The following SPAG16 variants were observed in gnomAD, a reference collection of about 807,000 sequenced individuals.
The protein encoded by SPAG16 is sperm-associated antigen 16 protein.
A neutral mutation model predicts 80.4 loss-of-function variants in SPAG16; 86 were observed. The ratio of observed to expected loss-of-function variants is 1.07; its 90% confidence interval spans 0.90 to 1.28. The LOEUF is 1.28. Ranked by LOEUF, SPAG16 falls within the 50% of genes most tolerant of loss-of-function variation. The pLI is 0.00. For missense variants in SPAG16, 870 were observed against 765.3 expected (o/e 1.14, Z -1.61); for synonymous variants, 294 against 265.9 (o/e 1.11, Z -1.03).
intron 10 of SPAG16, among the ~76,000 whole-genome samples, chr2:213,835,233 G>A (rs1357258591): frequency 1.3e-5 from 2 of 152,118 alleles, no homozygotes; most frequent in South Asian, 2.1e-4. Flanking sequence ...TGATTCTAGT[G>A]CCAGGCTGTC....
chr2:213,562,324 T>C (rs2059619860), intron 10 of SPAG16, among the ~76,000 whole-genome samples: 1 of 152,192 alleles, frequency 6.6e-6, no homozygotes, highest in African/African-American at 2.4e-5. Flanking sequence ...TTGTGGTGTA[T>C]TTAATTCTGA....
chr2:213,499,923 T>C (rs921649329), intron 10 of SPAG16, among the ~76,000 whole-genome samples: 1 of 152,222 alleles, frequency 6.6e-6, no homozygotes, highest in Non-Finnish European at 1.5e-5. Flanking sequence ...GTTTCTTTAG[T>C]ATTCCTAAGA....
At chr2:214,108,439 TCACACACACACA>T (rs71037342) in intron 14 of SPAG16, among the ~76,000 whole-genome samples, 178 bp downstream of exon 14, 16,575 of 125,046 alleles carry the variant, frequency 0.13, 1,125 homozygotes, top group Non-Finnish European at 0.17. Flanking sequence ...ATTTTAAAAT[TCACACACACACA>T]CACACACACA....
At chr2:214,203,162 T>C (rs776284728) in intron 15 of SPAG16, among the ~76,000 whole-genome samples, 6 of 152,242 alleles carry the variant, frequency 3.9e-5, no homozygotes, top group South Asian at 2.1e-4. Flanking sequence ...AAAATAAAGA[T>C]AATTATATCA....
At chr2:213,849,591 T>C (rs2074804837) in intron 10 of SPAG16, among the ~76,000 whole-genome samples, 1 of 152,234 alleles carries the variant, frequency 6.6e-6, no homozygotes, top group East Asian at 1.9e-4. Flanking sequence ...TGGAGCCACA[T>C]TGAAGTGAAT....
chr2:213,414,631 T>C (rs2069154464), intron 9 of SPAG16, among the ~76,000 whole-genome samples: 1 of 152,246 alleles, frequency 6.6e-6, no homozygotes. Flanking sequence ...AAAGTGATTT[T>C]ATATCACAAA....
chr2:214,182,108 C>G (rs2057325870), intron 15 of SPAG16, among the ~76,000 whole-genome samples: 1 of 151,766 alleles, frequency 6.6e-6, no homozygotes. Context: ...TTATCTCTTT[C>G]TTCTCTCTAC....
At chr2:213,968,115 C>T (rs2044807968) in intron 12 of SPAG16, among the ~76,000 whole-genome samples, 2 of 120,532 alleles carry the variant, frequency 1.7e-5, no homozygotes, top group Non-Finnish European at 3.6e-5. Context: ...TTCTTTTCCT[C>T]CCTCCCTCTC....
chr2:214,149,425 G>A lies in SPAG16; in HGVS notation c.1720+159G>A, dbSNP rs181865233. ...ACATTAAGATATATTTTATCATTAC[G>A]TATAGCATGTCATATGAAAGAATTA... is the stretch of plus-strand genomic sequence containing the variant. On this transcript the variant is annotated intron_variant, in intron 15 of 15. Coordinates refer to ENST00000331683, the MANE Select transcript of SPAG16 (RefSeq NM_024532.5). Among the ~76,000 whole-genome samples, 21 of 151,596 alleles carry A rather than the reference G, an allele frequency of 1.4e-4. No individual in the cohort carries two copies. In the East Asian group the frequency reaches 1.9e-3, roughly 14 times the overall value.
intron 9 of SPAG16, among the ~76,000 whole-genome samples, chr2:213,475,782 A>G (rs1346956250): frequency 6.6e-6 from 1 of 152,184 alleles, no homozygotes; most frequent in Non-Finnish European, 1.5e-5. Flanking sequence ...AGGTGAAGCT[A>G]TGGAAATAGA....
At chr2:214,338,842 A>T (rs1697474774) in intron 15 of SPAG16, among the ~76,000 whole-genome samples, 1 of 152,208 alleles carries the variant, frequency 6.6e-6, no homozygotes, top group South Asian at 2.1e-4. Context: ...ACTACAGAAT[A>T]GTTGCGATTT....
At chr2:214,269,862 C>T (rs926591038) in intron 15 of SPAG16, among the ~76,000 whole-genome samples, 15 of 152,038 alleles carry the variant, frequency 9.9e-5, no homozygotes, top group African/African-American at 3.6e-4. Context: ...TGGGGGTCAC[C>T]TTGTATCCTC....
At chr2:213,756,687 T>G (rs1269888938) in intron 10 of SPAG16, among the ~76,000 whole-genome samples, 1 of 152,178 alleles carries the variant, frequency 6.6e-6, no homozygotes, top group African/African-American at 2.4e-5. Context: ...AAATGGCTAA[T>G]GTATACCAGG....
intron 14 of SPAG16, among the ~76,000 whole-genome samples, chr2:214,146,795 T>C (rs922930938): frequency 4.6e-5 from 7 of 152,050 alleles, no homozygotes; most frequent in Admixed American, 2.0e-4. Flanking sequence ...GGTCAGGAGA[T>C]CAAGACCATC....
At chr2:213,771,333 T>G (rs988004805) in intron 10 of SPAG16, among the ~76,000 whole-genome samples, 3 of 152,196 alleles carry the variant, frequency 2.0e-5, no homozygotes, top group African/African-American at 7.2e-5. Flanking sequence ...TTTAAGTTCC[T>G]TGTAGATTCT....
At chr2:213,410,067 C>G (rs1260589281) in intron 9 of SPAG16, among the ~76,000 whole-genome samples, 2 of 152,096 alleles carry the variant, frequency 1.3e-5, no homozygotes, top group Non-Finnish European at 1.5e-5. Context: ...ACCACCGAGA[C>G]TGCTGTTCGT....
intron 10 of SPAG16, among the ~76,000 whole-genome samples, chr2:213,637,598 T>A (rs1214413590): frequency 6.6e-6 from 1 of 152,208 alleles, no homozygotes; most frequent in South Asian, 2.1e-4. Flanking sequence ...GGCAATTTTT[T>A]AATTATCATT....
chr2:213,468,656 T>TTG (rs200112078), intron 9 of SPAG16, among the ~76,000 whole-genome samples: 14 of 141,810 alleles, frequency 9.9e-5, no homozygotes, highest in African/African-American at 1.5e-4. Flanking sequence ...ATATCTCCTA[T>TTG]TGTGTGTGTG....
chr2:214,085,438 A>C (rs554740304), intron 13 of SPAG16, among the ~76,000 whole-genome samples: 1 of 122,588 alleles, frequency 8.2e-6, no homozygotes, highest in Admixed American at 8.4e-5. Context: ...GTTATCATGA[A>C]AGTCTCCATA....
Sources: gnomAD v4.1 joint callset for allele counts (sites outside exome capture counted in the v4.1 genomes callset) on GRCh38, gnomAD v4.1.1 for gene constraint, MANE v1.5 for transcripts, NCBI Gene and HGNC (gene_info 2026-07-23, HGNC 2026-07-21) for gene names.